Variants in PLCB1 observed in about 807,000 individuals in gnomAD.
PLCB1 encodes the protein phospholipase C beta 1, also known as 1-phosphatidylinositol 4,5-bisphosphate phosphodiesterase beta-1.
A neutral mutation model predicts 161.8 loss-of-function variants in PLCB1; 46 were observed. The observed-to-expected ratio is 0.28, with a 90% CI of 0.22 to 0.36. PLCB1 has a LOEUF of 0.36. Among genes scored for constraint, PLCB1 ranks in the 10% least tolerant of loss-of-function variants. The pLI is 1.00. For missense variants in PLCB1, 1,016 were observed against 1,472.5 expected (o/e 0.69, Z 5.07); for synonymous variants, 517 against 503.7 (o/e 1.03, Z -0.35).
chr20:8,309,885 A>G (rs1042779737), intron 2 of PLCB1, among the ~76,000 whole-genome samples: 1 of 152,216 alleles, frequency 6.6e-6, no homozygotes, highest in Admixed American at 6.5e-5. Flanking sequence ...GGAGTTTGCC[A>G]GAAATAAAGC....
At chr20:8,563,705 G>A (rs1226164763) in intron 3 of PLCB1, among the ~76,000 whole-genome samples, 1 of 151,944 alleles carries the variant, frequency 6.6e-6, no homozygotes. Context: ...ACCAATAATA[G>A]GCAAACAGAG....
intron 31 of PLCB1, chr20:8,801,926 C>T (rs748918439): frequency 6.2e-5 from 43 of 689,716 alleles, no homozygotes; most frequent in Middle Eastern, 2.4e-4. Context: ...TAAAGGCAAA[C>T]AGAGGAGTTA....
chr20:8,384,269 G>A (rs1489771121), intron 3 of PLCB1, among the ~76,000 whole-genome samples: 1 of 151,644 alleles, frequency 6.6e-6, no homozygotes, highest in Admixed American at 6.6e-5. Context: ...ATTTCAGCAA[G>A]GTGGTCTTCA....
intron 3 of PLCB1, among the ~76,000 whole-genome samples, chr20:8,626,444 A>G (rs1200968078): frequency 2.6e-5 from 4 of 152,116 alleles, no homozygotes; most frequent in Non-Finnish European, 4.4e-5. Flanking sequence ...TCTTTAACCA[A>G]TCATCTGTTT....
chr20:8,881,691 G>A lies in PLCB1; in HGVS notation c.3493G>A (p.Val1165Met), dbSNP rs772786871. Residue 1165 changes from valine to methionine, a missense_variant, in exon 32 of 32, where the codon GTG (valine) becomes ATG (methionine). This residue lies in a region of PLCB1 where 398 missense variants were observed against 445.4 expected (regional missense o/e 0.89). Transcript: ENST00000338037. ...KRLPLEILEF[V>M]QEAMKGKISE... Reference sequence around the variant, plus strand: ...ACTGCCCCTCGAGATTTTGGAATTCGTGCAGGAAGCCATGAAAGGAAAGAT... The same window carrying A: ...ACTGCCCCTCGAGATTTTGGAATTCATGCAGGAAGCCATGAAAGGAAAGAT... The A allele has an allele frequency of 7.4e-6, 12 of 1,613,892 alleles. No individual in the cohort carries two copies. The highest frequency in any genetic ancestry group is 1.7e-5 in the Admixed American group (1 of 59,996).
chr20:8,272,181 G>A (rs1413245188), intron 2 of PLCB1, among the ~76,000 whole-genome samples: 1 of 151,838 alleles, frequency 6.6e-6, no homozygotes, highest in East Asian at 1.9e-4. Context: ...TAAGGAAAAC[G>A]GTCAAGAACA....
At chr20:8,314,485 T>G (rs1174942517) in intron 2 of PLCB1, among the ~76,000 whole-genome samples, 1 of 152,212 alleles carries the variant, frequency 6.6e-6, no homozygotes, top group Non-Finnish European at 1.5e-5. Flanking sequence ...GCCAACAGAC[T>G]TGACTTCAAA....
intron 3 of PLCB1, among the ~76,000 whole-genome samples, chr20:8,376,944 A>T (rs1042019428): frequency 6.6e-6 from 1 of 151,944 alleles, no homozygotes; most frequent in African/African-American, 2.4e-5. Flanking sequence ...AAAAAAGAAA[A>T]AGAAAGAGAA....
At chr20:8,400,816 C>T (rs944206820) in intron 3 of PLCB1, among the ~76,000 whole-genome samples, 1 of 152,000 alleles carries the variant, frequency 6.6e-6, no homozygotes, top group African/African-American at 2.4e-5. Flanking sequence ...TTTTTTGCTG[C>T]CTCAAACAAT....
chr20:8,715,420 G>A (rs568717917), intron 12 of PLCB1, among the ~76,000 whole-genome samples: 5 of 152,222 alleles, frequency 3.3e-5, no homozygotes, highest in South Asian at 2.1e-4. Flanking sequence ...TTTCAAAGGC[G>A]TTTGCATCCA....
intron 31 of PLCB1, among the ~76,000 whole-genome samples, chr20:8,817,603 C>T (rs1446424172): frequency 6.6e-6 from 1 of 152,156 alleles, no homozygotes; most frequent in African/African-American, 2.4e-5. Flanking sequence ...TCCTGGAAAT[C>T]CTCTGGGCTC....
At chr20:8,236,048 G>T (rs1345785866) in intron 2 of PLCB1, among the ~76,000 whole-genome samples, 2 of 152,040 alleles carry the variant, frequency 1.3e-5, no homozygotes, top group African/African-American at 4.8e-5. Context: ...AGTTAGGAAG[G>T]TGTTTTTCAA....
chr20:8,697,627 T>C lies in PLCB1; in HGVS notation c.1011T>C (p.Ala337=). The C allele has an allele frequency of 6.2e-7, 1 of 1,614,084 alleles. No homozygotes were observed. The highest frequency in any genetic ancestry group is 2.2e-5 in the East Asian group (1 of 44,876). Residue 337 remains alanine, a splice_region_variant and synonymous_variant, in exon 11 of 32, where the codon GCT becomes GCC. Transcript: ENST00000338037. ...INSSHNTYLT[A]GQLAGNSSVE... ...GTTTGTTTTGTTGGTGTTTTATAGC[T>C]GGCCAACTGGCTGGAAACTCCTCTG...
chr20:8,656,735 C>T lies in PLCB1; in HGVS notation c.595-449C>T, dbSNP rs116174389. On this transcript the variant is annotated intron_variant, in intron 7 of 31. Transcript: ENST00000338037. ...ATTGGAATTTATGTTTTCATTTTGA[C>T]TATGTCTGTCTCTAGGGTCATTACT... Among the ~76,000 whole-genome samples, 474 of 149,512 alleles carry T rather than the reference C, an allele frequency of 3.2e-3. 2 individuals are homozygous for T. Among genetic ancestry groups the T allele is most frequent in the African/African-American group, 0.011 (457 of 40,608 alleles).
intron 2 of PLCB1, among the ~76,000 whole-genome samples, chr20:8,214,398 C>G (rs1039429056): frequency 2.0e-5 from 3 of 152,108 alleles, no homozygotes; most frequent in African/African-American, 7.2e-5. Flanking sequence ...CTGGCTCTTT[C>G]TCTTTTGCTC....
At chr20:8,375,419 T>C (rs1300692681) in intron 3 of PLCB1, among the ~76,000 whole-genome samples, 1 of 152,232 alleles carries the variant, frequency 6.6e-6, no homozygotes, top group Non-Finnish European at 1.5e-5. Context: ...ATTCAGTGGC[T>C]CATGTGCAGC....
rs528138568 is a variant in PLCB1 at position 8,152,423 on chromosome 20, G to A, written c.177+2052G>A. 3.9e-5 allele frequency among the ~76,000 whole-genome samples: 6 copies of A among 152,270 alleles called. No homozygotes were observed. In the East Asian group the frequency reaches 9.6e-4, roughly 24 times the overall value. ...GGACGACTCCAAGTGATGAATTAGA[G>A]TAAATGTGTGCTAGAAGAAATGGTG... On this transcript the variant is annotated intron_variant, in intron 2 of 31. Transcript: ENST00000338037.
At chr20:8,301,668 C>T (rs1257145761) in intron 2 of PLCB1, among the ~76,000 whole-genome samples, 2 of 152,156 alleles carry the variant, frequency 1.3e-5, no homozygotes, top group East Asian at 1.9e-4. Flanking sequence ...AATACCCTCC[C>T]CCACCTTTCC....
chr20:8,529,952 C>T (rs1984736757), intron 3 of PLCB1, among the ~76,000 whole-genome samples: 1 of 152,042 alleles, frequency 6.6e-6, no homozygotes, highest in African/African-American at 2.4e-5. Flanking sequence ...TACTGTTTTC[C>T]AGATAGTTCT....
Sources: gnomAD v4.1 joint callset for allele counts (sites outside exome capture counted in the v4.1 genomes callset) on GRCh38, gnomAD v4.1.1 for gene constraint, gnomAD v4.1.1 regional missense constraint, MANE v1.5 for transcripts, NCBI Gene and HGNC (gene_info 2026-07-23, HGNC 2026-07-21) for gene names.